The following TCTN2 variants were observed in gnomAD, a reference collection of about 807,000 sequenced individuals.
The protein encoded by TCTN2 is tectonic family member 2.
In TCTN2, 66 loss-of-function variants were observed where a neutral mutation model predicts 83.4. The observed-to-expected ratio is 0.79, with a 90% CI of 0.65 to 0.97. TCTN2 has a LOEUF of 0.97. Ranked by LOEUF, TCTN2 falls within the 50% of genes least tolerant of loss-of-function variation. TCTN2 has a pLI of 0.00. For missense variants in TCTN2, 794 were observed against 858.1 expected (o/e 0.93, Z 0.93); for synonymous variants, 301 against 326.7 (o/e 0.92, Z 0.85).
intron 5 of TCTN2, among the ~76,000 whole-genome samples, chr12:123,683,083 C>A (rs1025431935): frequency 6.6e-6 from 1 of 151,138 alleles, no homozygotes; most frequent in African/African-American, 2.4e-5. Flanking sequence ...ATTAGCTGGA[C>A]GTGGTGGCCG....
intron 5 of TCTN2, among the ~76,000 whole-genome samples, chr12:123,682,479 T>G (rs1955910835): frequency 6.6e-6 from 1 of 152,058 alleles, no homozygotes; most frequent in South Asian, 2.1e-4. Flanking sequence ...TTTGTTTTAT[T>G]TATTTTTTAT....
intron 8 of TCTN2, among the ~76,000 whole-genome samples, chr12:123,691,876 C>T (rs1233261436): frequency 6.7e-6 from 1 of 150,194 alleles, no homozygotes; most frequent in Admixed American, 6.7e-5. Context: ...AGATTACAGG[C>T]ATGTGCCACC....
chr12:123,697,902 C>A, intron 13 of TCTN2, among the ~76,000 whole-genome samples: 1 of 151,176 alleles, frequency 6.6e-6, no homozygotes, highest in Admixed American at 6.6e-5. Context: ...ACTGTGTTTC[C>A]CAGGCTCGGG....
intron 4 of TCTN2, among the ~76,000 whole-genome samples, chr12:123,678,169 C>T (rs1372677255): frequency 6.6e-6 from 1 of 152,222 alleles, no homozygotes; most frequent in Non-Finnish European, 1.5e-5. Flanking sequence ...CCCCCATACT[C>T]TCGTGGTCAG....
chr12:123,693,376 CTTT>C (rs373196834), intron 9 of TCTN2, among the ~76,000 whole-genome samples: 1 of 92,950 alleles, frequency 1.1e-5, no homozygotes, highest in African/African-American at 4.4e-5. Context: ...GCTTTCTTTC[CTTT>C]TTTTTTTTTT....
intron 5 of TCTN2, among the ~76,000 whole-genome samples, chr12:123,686,626 T>A (rs1052077442): frequency 1.3e-5 from 2 of 152,226 alleles, no homozygotes; most frequent in Non-Finnish European, 2.9e-5. Flanking sequence ...AGTTTCTGAC[T>A]TGAAGGCTTA....
chr12:123,686,885 G>T lies in TCTN2; in HGVS notation c.614G>T (p.Gly205Val). ...CTGTTCAGACGGTCCTGCTTCACCG[G>T]CGTGTTTGGAGGAGACGTCAATCCT... ...TTLFRRSCFT[G>V]VFGGDVNPPF... The change falls in exon 6 of 18, where the codon GGC (glycine) becomes GTC (valine). Residue 205 changes from glycine (G) to valine (V), a missense_variant. Physicochemically the swap from Gly to Val is moderately radical, Grantham distance 109. Transcript: ENST00000303372. The T allele has an allele frequency of 6.2e-7, 1 of 1,614,170 alleles. No homozygotes were observed. Among genetic ancestry groups the T allele is most frequent in the South Asian group, 1.1e-5 (1 of 91,090 alleles).
chr12:123,706,844 C>G lies in TCTN2; in HGVS notation c.1888C>G (p.Leu630Val). ...AATTCCTGCACAGTTACCCCACCCC[C>G]TGACAAGGTACTCCAGTTGCTCACC... Reference protein sequence around the residue: ...IKIPAQLPHPLTRFQINYTEY... With the variant: ...IKIPAQLPHPVTRFQINYTEY... Residue 630 changes from leucine to valine, a missense_variant, in exon 16 of 18, where the codon CTG becomes GTG. Coordinates refer to ENST00000303372, the MANE Select transcript of TCTN2 (RefSeq NM_024809.5). 1 of 1,614,174 alleles carries G rather than the reference C, an allele frequency of 6.2e-7. No homozygotes were observed.
Position 123,671,574 on chromosome 12 carries a change from G to A in TCTN2, c.150G>A (p.Glu50=), listed in dbSNP as rs1383259427. The change falls in exon 2 of 18, where the codon GAG becomes GAA. Residue 50 remains glutamate, a synonymous_variant. Transcript: ENST00000303372. ...GCGCGTCCCTGGTCGGAGACACCGAGGGTGTGACCGTGTCCCTGGCAGTGC... is the reference window on the plus strand; with the variant it reads ...GCGCGTCCCTGGTCGGAGACACCGAAGGTGTGACCGTGTCCCTGGCAGTGC... ...AVSASLVGDT[E]GVTVSLAVLQ... The A allele has an allele frequency of 6.2e-7, 1 of 1,613,846 alleles. No individual in the cohort carries two copies. The highest frequency in any genetic ancestry group is 2.2e-5 in the East Asian group (1 of 44,878).
intron 14 of TCTN2, among the ~76,000 whole-genome samples, chr12:123,703,143 C>A (rs149327025): frequency 6.6e-6 from 1 of 151,720 alleles, no homozygotes; most frequent in Non-Finnish European, 1.5e-5. Flanking sequence ...TAATTAAAGT[C>A]GTTAGTGTGG....
intron 11 of TCTN2, 156 bp from the exon 12 acceptor site, chr12:123,696,259 T>C (rs1042007938): frequency 4.4e-6 from 3 of 675,522 alleles, no homozygotes; most frequent in Non-Finnish European, 8.2e-6. Context: ...ACTGTTTTTT[T>C]TGAGACCCGA....
intron 11 of TCTN2, chr12:123,696,106 A>C (rs1956105015): frequency 2.8e-6 from 1 of 351,842 alleles, no homozygotes; most frequent in East Asian, 7.0e-5. Context: ...GGCCTCCCAA[A>C]GTGCTAGGAT....
Position 123,690,669 on chromosome 12 carries a change from TAGG to T in TCTN2, c.1032_1033+1del, listed in dbSNP as rs1358625041. The T allele has an allele frequency of 1.9e-6, 3 of 1,614,006 alleles. No homozygotes were observed. Among genetic ancestry groups the T allele is most frequent in the Non-Finnish European group, 2.5e-6 (3 of 1,180,030 alleles). On this transcript the variant is annotated inframe_deletion and splice_region_variant, in exon 8 of 18. Coordinates refer to ENST00000303372, the MANE Select transcript of TCTN2 (RefSeq NM_024809.5). ...AATGCGAAGATAAAGAATGTTGCCTTAGGAGGTATGTTACATTTCTTTGAAAAA... is the reference window on the plus strand; with the variant it reads ...AATGCGAAGATAAAGAATGTTGCCTTAGGTATGTTACATTTCTTTGAAAAA...
rs965767644 is a variant in TCTN2, at chr12:123,697,414, T to G, written c.1505+216T>G. Among the ~76,000 whole-genome samples, 7 of 152,334 alleles carry G rather than the reference T, an allele frequency of 4.6e-5. 1 individual carries two copies. The South Asian group carries it at 1.5e-3, about 32-fold the overall frequency. Reference sequence around the variant, plus strand: ...TTTTCTTGGGACTAAAGCCAGTTCATCCACATTTAAGCAAATTTCATCCAC... The same window carrying G: ...TTTTCTTGGGACTAAAGCCAGTTCAGCCACATTTAAGCAAATTTCATCCAC... On this transcript the variant is annotated intron_variant, in intron 13 of 17. Coordinates refer to ENST00000303372, the MANE Select transcript of TCTN2 (RefSeq NM_024809.5).
At chr12:123,698,067 AG>A (rs1253590975) in intron 13 of TCTN2, among the ~76,000 whole-genome samples, 2 of 151,438 alleles carry the variant, frequency 1.3e-5, no homozygotes, top group African/African-American at 4.9e-5. Context: ...TTTGAGACAG[AG>A]TTTCACTCTT....
Position 123,671,506 on chromosome 12 carries a change from G to C in TCTN2, c.83-1G>C. ...CCTTGTCCCCTTTCCTTCCCGCCTA[G>C]CTTTCATCCCTCCTTTTATCCGAAT... On this transcript the variant is annotated splice_acceptor_variant, in intron 1 of 17. Transcript: ENST00000303372. LOFTEE classifies it high-confidence loss of function. The C allele has an allele frequency of 6.2e-7, 1 of 1,614,108 alleles. No individual in the cohort carries two copies. The highest frequency in any genetic ancestry group is 8.5e-7 in the Non-Finnish European group (1 of 1,179,964).
At chr12:123,697,860 CTT>C (rs536696616) in intron 13 of TCTN2, among the ~76,000 whole-genome samples, 61 of 136,424 alleles carry the variant, frequency 4.5e-4, no homozygotes, top group Non-Finnish European at 3.9e-4. Flanking sequence ...GGGTGATTAA[CTT>C]TTTTTTTTTT....
At chr12:123,677,990 C>T (rs1566245863) in intron 4 of TCTN2, among the ~76,000 whole-genome samples, 1 of 152,196 alleles carries the variant, frequency 6.6e-6, no homozygotes, top group Non-Finnish European at 1.5e-5. Context: ...TGCAAGTCTT[C>T]CTGACGCCCA....
intron 4 of TCTN2, among the ~76,000 whole-genome samples, chr12:123,676,318 C>G (rs1460972584): frequency 1.3e-5 from 2 of 151,952 alleles, no homozygotes; most frequent in Non-Finnish European, 2.9e-5. Context: ...CCTGTAATCC[C>G]AGCACTTTGG....
Sources: allele counts gnomAD v4.1 joint callset (sites outside exome capture counted in the v4.1 genomes callset), GRCh38; gene constraint gnomAD v4.1.1; transcripts MANE v1.5; gene names NCBI Gene and HGNC (gene_info 2026-07-23, HGNC 2026-07-21).